FRMD4A: variants seen among roughly 807,000 people sequenced by gnomAD.
The protein encoded by FRMD4A is FERM domain containing 4A.
Under a neutral mutation model 129.1 loss-of-function variants are expected in FRMD4A, and 29 were observed. The ratio of observed to expected loss-of-function variants is 0.22; its 90% CI spans 0.17 to 0.31. The LOEUF is 0.31. FRMD4A is among the 10% of genes least tolerant of loss of function. The pLI is 1.00. For missense variants in FRMD4A, 1,272 were observed against 1,375.8 expected (o/e 0.92, Z 1.19); for synonymous variants, 634 against 571.6 (o/e 1.11, Z -1.56).
intron 2 of FRMD4A, among the ~76,000 whole-genome samples, chr10:14,176,363 T>C (rs546935625): frequency 6.6e-6 from 1 of 152,040 alleles, no homozygotes; most frequent in Admixed American, 6.6e-5. Flanking sequence ...TTAGTGCCAG[T>C]CTCTTTGTGA....
chr10:14,308,726 A>G (rs962872455), intron 2 of FRMD4A, among the ~76,000 whole-genome samples: 1 of 152,212 alleles, frequency 6.6e-6, no homozygotes, highest in Admixed American at 6.5e-5. Context: ...GTTTGAAAAC[A>G]ATGTCCTGAT....
chr10:14,156,179 T>G (rs527404141), intron 2 of FRMD4A, among the ~76,000 whole-genome samples: 1 of 152,286 alleles, frequency 6.6e-6, no homozygotes, highest in Admixed American at 6.5e-5. Flanking sequence ...CACACAATGT[T>G]GTACTCAATC....
intron 2 of FRMD4A, among the ~76,000 whole-genome samples, chr10:14,029,136 C>T (rs142241540): frequency 6.7e-4 from 102 of 152,190 alleles, no homozygotes; most frequent in Middle Eastern, 3.4e-3. Flanking sequence ...AATTCAGAAC[C>T]GTTAAATTTC....
chr10:13,652,274 G>T (rs959718789), intron 23 of FRMD4A: 21 of 436,552 alleles, frequency 4.8e-5, no homozygotes, highest in African/African-American at 4.2e-4. Flanking sequence ...TTTGGCTTGA[G>T]TCCTCACTAG....
intron 2 of FRMD4A, among the ~76,000 whole-genome samples, chr10:13,958,013 G>C (rs891825929): frequency 1.3e-5 from 2 of 151,908 alleles, no homozygotes; most frequent in Non-Finnish European, 1.5e-5. Context: ...TCCTGCTCTC[G>C]GCACAGCTTG....
rs59818032 is a variant in FRMD4A at position 13,679,474 on chromosome 10, TACAC to T, written c.1118-4434_1118-4431del. Among the ~76,000 whole-genome samples the T allele has an allele frequency of 8.9e-3, 279 of 31,424 alleles. 7 individuals are homozygous for T. Among genetic ancestry groups the T allele is most frequent in the African/African-American group, 0.019 (142 of 7,408 alleles). The allele number at this position is 31,424 out of a possible 152,430, so 20.6% of individuals were successfully genotyped here. On this transcript the variant is annotated intron_variant, in intron 15 of 24. Transcript: ENST00000357447. ...AAAAAAAAAAAAATATATATATATATACACACACACACACACACACACACACACA... is the reference window on the plus strand; with the variant it reads ...AAAAAAAAAAAAATATATATATATATACACACACACACACACACACACACA...
chr10:13,708,805 T>C (rs1035813956), intron 12 of FRMD4A, among the ~76,000 whole-genome samples: 2 of 152,204 alleles, frequency 1.3e-5, no homozygotes, highest in African/African-American at 2.4e-5. Flanking sequence ...AGGTATTATA[T>C]ATTCAGCGAC....
intron 3 of FRMD4A, among the ~76,000 whole-genome samples, chr10:13,850,393 A>T (rs1484428740): frequency 6.6e-6 from 1 of 152,216 alleles, no homozygotes; most frequent in African/African-American, 2.4e-5. Context: ...TATCACCAGC[A>T]TCGCTGTCAG....
chr10:14,144,480 C>G (rs543136378), intron 2 of FRMD4A, among the ~76,000 whole-genome samples: 18 of 152,190 alleles, frequency 1.2e-4, no homozygotes, highest in Admixed American at 7.2e-4. Context: ...TGCTCTGCAT[C>G]GTATGCAGGT....
At position 14,027,329 on chromosome 10, in the gene FRMD4A, T is replaced by G. The variant is rs780806774; in HGVS notation, c.46-168417A>C. On this transcript the variant is annotated intron_variant, in intron 2 of 24. Transcript: ENST00000357447. ...TTATGTGACTATTTTCTAAGACAAT[T>G]TTTTGGGGGGCTTTAAAAACAGTCA... Among the ~76,000 whole-genome samples, 158 of 152,166 alleles carry G rather than the reference T, an allele frequency of 1.0e-3. 1 individual carries two copies. Among genetic ancestry groups the G allele is most frequent in the Non-Finnish European group, 1.9e-4 (13 of 68,020 alleles).
intron 2 of FRMD4A, among the ~76,000 whole-genome samples, chr10:14,030,727 T>A (rs1373417679): frequency 1.3e-5 from 2 of 152,204 alleles, no homozygotes; most frequent in Non-Finnish European, 2.9e-5. Context: ...TGGCCTGGGA[T>A]CAGGCAGTGG....
At chr10:13,824,091 A>C (rs1293744307) in intron 3 of FRMD4A, among the ~76,000 whole-genome samples, 1 of 152,158 alleles carries the variant, frequency 6.6e-6, no homozygotes, top group African/African-American at 2.4e-5. Flanking sequence ...TCCAAGATTA[A>C]GTTACAGAAA....
At chr10:14,083,103 T>C (rs1426401049) in intron 2 of FRMD4A, 1 of 152,196 alleles carries the variant, frequency 6.6e-6, no homozygotes, top group Non-Finnish European at 1.5e-5. Context: ...AAAACACTTC[T>C]GGAACCTTCC....
chr10:14,063,302 G>A (rs1020599444), intron 2 of FRMD4A, among the ~76,000 whole-genome samples: 85 of 152,034 alleles, frequency 5.6e-4, no homozygotes, highest in African/African-American at 1.8e-3. Context: ...GTCAGTCTCC[G>A]ACTCTTCAAA....
chr10:14,068,980 G>A (rs1401916242), intron 2 of FRMD4A, among the ~76,000 whole-genome samples: 1 of 146,134 alleles, frequency 6.8e-6, no homozygotes, highest in African/African-American at 2.5e-5. Flanking sequence ...CTTCACTCAT[G>A]TTCAATGCAT....
At chr10:13,735,232 T>A (rs1251445765) in intron 12 of FRMD4A, among the ~76,000 whole-genome samples, 3 of 152,238 alleles carry the variant, frequency 2.0e-5, no homozygotes, top group Admixed American at 6.5e-5. Context: ...TGGTAGTCTG[T>A]CCTTCAAGTA....
intron 2 of FRMD4A, among the ~76,000 whole-genome samples, chr10:14,312,834 C>G (rs1264145003): frequency 2.6e-5 from 4 of 151,908 alleles, no homozygotes; most frequent in African/African-American, 9.7e-5. Flanking sequence ...CCACTGCACT[C>G]TAGCTTGGGC....
rs934037928 is a variant in FRMD4A, at chr10:14,015,000, C to T, written c.46-156088G>A. Among the ~76,000 whole-genome samples, 39 of 94,484 alleles carry T rather than the reference C, an allele frequency of 4.1e-4. 1 individual carries two copies. The highest frequency in any genetic ancestry group is 1.3e-4 in the Admixed American group (1 of 7,548). The allele number at this position is 94,484 out of a possible 152,430, so 62.0% of individuals were successfully genotyped here. A position where few individuals can be genotyped will look rare whatever the true frequency, so the allele number is the denominator to read the frequency against. ...CCTTCCTTTCATCCTTTCTTATCTC[C>T]TTCCTTCCTCCCTCCCTCCCTTCCT... On this transcript the variant is annotated intron_variant, in intron 2 of 24. Transcript: ENST00000357447.
At chr10:13,779,194 A>G (rs10906474) in intron 6 of FRMD4A, among the ~76,000 whole-genome samples, 138,803 of 151,946 alleles carry the variant, frequency 0.91, 64,169 homozygotes, top group Non-Finnish European at 0.99. Flanking sequence ...GCTGGTGCCT[A>G]TAATTCCACC....
Sources: gnomAD v4.1 joint callset for allele counts (sites outside exome capture counted in the v4.1 genomes callset) on GRCh38, gnomAD v4.1.1 for gene constraint, MANE v1.5 for transcripts, NCBI Gene and HGNC (gene_info 2026-07-23, HGNC 2026-07-21) for gene names.